HDAC9: variants seen among roughly 807,000 people sequenced by gnomAD.
HDAC9 encodes histone deacetylase 9, also known as MEF-2 interacting transcription repressor (MITR) protein.
In HDAC9, 41 loss-of-function variants were observed where a neutral mutation model predicts 139.4. The observed-to-expected ratio is 0.29, with a 90% confidence interval of 0.23 to 0.38. The LOEUF (loss-of-function observed/expected upper bound fraction) is 0.38, where lower values mean the gene tolerates loss of function less well. Ranked by LOEUF, HDAC9 falls within the 10% of genes least tolerant of loss-of-function variation. HDAC9 has a pLI of 1.00. For synonymous variants in HDAC9, 517 were observed against 476.2 expected (o/e 1.09, Z -1.12); for missense variants, 1,147 against 1,297.0 (o/e 0.88, Z 1.78).
At chr7:18,412,367 G>A (rs943096511) in intron 1 of HDAC9, among the ~76,000 whole-genome samples, 2 of 152,092 alleles carry the variant, frequency 1.3e-5, no homozygotes, top group African/African-American at 2.4e-5. Context: ...TCAAAACTAC[G>A]ATGGAATGTA....
intron 6 of HDAC9, among the ~76,000 whole-genome samples, chr7:18,613,198 T>A (rs941004374): frequency 1.9e-4 from 29 of 151,590 alleles, no homozygotes; most frequent in Middle Eastern, 3.5e-3. Context: ...AGGAACTGAA[T>A]ATATTGGAAA....
At chr7:18,702,389 A>T (rs1053725495) in intron 12 of HDAC9, among the ~76,000 whole-genome samples, 7 of 152,138 alleles carry the variant, frequency 4.6e-5, no homozygotes, top group African/African-American at 1.4e-4. Context: ...TGTCCGCAGC[A>T]CCTCCAGAGA....
chr7:18,818,179 A>C (rs1794707020), intron 17 of HDAC9, among the ~76,000 whole-genome samples: 1 of 152,222 alleles, frequency 6.6e-6, no homozygotes, highest in Admixed American at 6.5e-5. Flanking sequence ...ATATTATTTT[A>C]CTGAGCATTG....
intron 12 of HDAC9, among the ~76,000 whole-genome samples, chr7:18,715,199 G>A (rs1784612069): frequency 6.6e-6 from 1 of 151,204 alleles, no homozygotes; most frequent in Admixed American, 6.6e-5. Context: ...TATGAGTTGA[G>A]CTGTGTGCTT....
chr7:18,797,557 G>C (rs1441055420), intron 17 of HDAC9, among the ~76,000 whole-genome samples: 4 of 152,104 alleles, frequency 2.6e-5, no homozygotes, highest in African/African-American at 7.2e-5. Context: ...GCCCTGCGCA[G>C]TGGTTCATGC....
At chr7:18,499,119 A>G (rs909405381) in intron 2 of HDAC9, among the ~76,000 whole-genome samples, 1 of 151,808 alleles carries the variant, frequency 6.6e-6, no homozygotes, top group Non-Finnish European at 1.5e-5. Context: ...GAAATGTCTC[A>G]TTATGTAATA....
intron 1 of HDAC9, among the ~76,000 whole-genome samples, chr7:18,468,812 G>A (rs867819783): frequency 1.8e-4 from 27 of 152,284 alleles, no homozygotes; most frequent in African/African-American, 5.8e-4. Flanking sequence ...TTCCTGTGTT[G>A]TCTTCCATTT....
At chr7:18,429,565 C>CTG (rs35916049) in intron 1 of HDAC9, among the ~76,000 whole-genome samples, 3,019 of 137,572 alleles carry the variant, frequency 0.022, 151 homozygotes, top group Admixed American at 0.13. Flanking sequence ...GTGTGTGTGT[C>CTG]TGTGTGTGTG....
At chr7:18,446,107 G>C (rs1383475452) in intron 1 of HDAC9, among the ~76,000 whole-genome samples, 1 of 152,246 alleles carries the variant, frequency 6.6e-6, no homozygotes, top group African/African-American at 2.4e-5. Flanking sequence ...GGCCAGCAAA[G>C]AGGATAATGT....
chr7:18,633,988 A>G (rs928161387), intron 7 of HDAC9, among the ~76,000 whole-genome samples: 2 of 152,086 alleles, frequency 1.3e-5, no homozygotes, highest in African/African-American at 2.4e-5. Flanking sequence ...ACAAATCTAC[A>G]TGTTAAATTT....
chr7:18,602,242 G>C (rs935550029), intron 6 of HDAC9, among the ~76,000 whole-genome samples: 1 of 151,936 alleles, frequency 6.6e-6, no homozygotes, highest in African/African-American at 2.4e-5. Flanking sequence ...TCAGTATAGA[G>C]TTATTCATAA....
chr7:18,219,888 C>T (rs2128174592), intron 2 of HDAC9, among the ~76,000 whole-genome samples: 1 of 152,250 alleles, frequency 6.6e-6, no homozygotes, highest in East Asian at 1.9e-4. Flanking sequence ...GCAGGGAGAC[C>T]TTGGAATAAG....
At chr7:18,674,369 G>C (rs941039952) in intron 12 of HDAC9, among the ~76,000 whole-genome samples, 3 of 151,960 alleles carry the variant, frequency 2.0e-5, no homozygotes, top group Non-Finnish European at 4.4e-5. Flanking sequence ...TGATATCAGA[G>C]AGCTACAGTC....
intron 6 of HDAC9, among the ~76,000 whole-genome samples, chr7:18,622,004 A>C (rs1423654008): frequency 1.3e-5 from 2 of 152,206 alleles, no homozygotes; most frequent in Non-Finnish European, 2.9e-5. Flanking sequence ...AGGAAATCTA[A>C]CCTTCAGAAA....
chr7:18,955,697 C>T lies in HDAC9; in HGVS notation c.3022+1467C>T, dbSNP rs553479369. Among the ~76,000 whole-genome samples, 88 of 152,196 alleles carry T rather than the reference C, an allele frequency of 5.8e-4. 5 individuals carry two copies. In the South Asian group the frequency reaches 0.017, roughly 30 times the overall value. On this transcript the variant is annotated intron_variant, in intron 24 of 25. Transcript: ENST00000686413. ...GACAACCAAGTAAATAATTGCAATACAGTATTCACAGAGTACACTGAGGTC... is the reference window on the plus strand; with the variant it reads ...GACAACCAAGTAAATAATTGCAATATAGTATTCACAGAGTACACTGAGGTC...
intron 1 of HDAC9, among the ~76,000 whole-genome samples, chr7:18,442,285 TC>T (rs1349188765): frequency 6.6e-6 from 1 of 152,152 alleles, no homozygotes; most frequent in Non-Finnish European, 1.5e-5. Context: ...TGGGAAGACT[TC>T]TAATTTTTTT....
intron 9 of HDAC9, among the ~76,000 whole-genome samples, chr7:18,645,611 G>C (rs1259720390): frequency 6.6e-6 from 1 of 152,144 alleles, no homozygotes; most frequent in African/African-American, 2.4e-5. Flanking sequence ...AATTATTCTA[G>C]GCATATTCCC....
intron 25 of HDAC9, among the ~76,000 whole-genome samples, chr7:18,989,848 G>C (rs941580762): frequency 2.7e-5 from 4 of 146,062 alleles, no homozygotes; most frequent in Middle Eastern, 3.4e-3. Flanking sequence ...GATCGCATCG[G>C]CTCCTGAGGC....
chr7:18,288,101 C>G (rs1797572270), upstream of HDAC9, among the ~76,000 whole-genome samples: 1 of 152,158 alleles, frequency 6.6e-6, no homozygotes, highest in Admixed American at 6.5e-5. Context: ...GTGCATTGTT[C>G]ACCATTTGGA....
Sources: allele counts gnomAD v4.1 joint callset (sites outside exome capture counted in the v4.1 genomes callset), GRCh38; gene constraint gnomAD v4.1.1; transcripts MANE v1.5; gene names NCBI Gene and HGNC (gene_info 2026-07-23, HGNC 2026-07-21).